The following AVEN variants were observed in gnomAD, a reference collection of about 807,000 sequenced individuals.
AVEN encodes apoptosis and caspase activation inhibitor.
In AVEN, 41 loss-of-function variants were observed where a neutral mutation model predicts 38.1. The observed-to-expected ratio is 1.08, with a 90% confidence interval of 0.84 to 1.40. The LOEUF (loss-of-function observed/expected upper bound fraction) is 1.40. Ranked by LOEUF, AVEN falls within the 40% of genes most tolerant of loss-of-function variation. The pLI is 0.00. For missense variants in AVEN, 605 were observed against 438.8 expected (o/e 1.38, Z -3.38); for synonymous variants, 206 against 171.8 (o/e 1.20, Z -1.56).
At chr15:34,027,316 A>G (rs1017794093) in intron 1 of AVEN, among the ~76,000 whole-genome samples, 1 of 152,144 alleles carries the variant, frequency 6.6e-6, no homozygotes, top group East Asian at 1.9e-4. Context: ...GGAGTTCAAA[A>G]CCAGCCTGGC....
chr15:33,907,079 A>G (rs1024506285), intron 2 of AVEN, among the ~76,000 whole-genome samples: 3 of 152,170 alleles, frequency 2.0e-5, no homozygotes, highest in Non-Finnish European at 2.9e-5. Flanking sequence ...ACCACGAATG[A>G]AAAGAAAAAT....
At chr15:33,860,304 A>C (rs1461701633) in intron 11 of AVEN, among the ~76,000 whole-genome samples, 6 of 152,152 alleles carry the variant, frequency 3.9e-5, no homozygotes, top group Admixed American at 6.5e-5. Context: ...CAGACTGAAC[A>C]CAAATAGCTA....
chr15:34,049,530 G>C (rs1479683020), intron 5 of AVEN, among the ~76,000 whole-genome samples: 1 of 152,092 alleles, frequency 6.6e-6, no homozygotes, highest in Non-Finnish European at 1.5e-5. Context: ...AGGATCATGG[G>C]ATTATGTAAA....
At chr15:33,863,486 G>A (rs185938991), downstream of AVEN, among the ~76,000 whole-genome samples, 2 of 152,214 alleles carry the variant, frequency 1.3e-5, no homozygotes, top group East Asian at 1.9e-4. Flanking sequence ...TTTTCCGGAA[G>A]GGCAAGAGCC....
chr15:33,958,980 C>T (rs1895069098), intron 2 of AVEN, among the ~76,000 whole-genome samples: 1 of 152,170 alleles, frequency 6.6e-6, no homozygotes, highest in South Asian at 2.1e-4. Context: ...TATCCAGTCT[C>T]CTCTCAAGCC....
At chr15:33,930,603 A>G (rs1372169459) in intron 2 of AVEN, among the ~76,000 whole-genome samples, 1 of 152,216 alleles carries the variant, frequency 6.6e-6, no homozygotes, top group Non-Finnish European at 1.5e-5. Context: ...AATAGTCTGT[A>G]TCCAAAATTA....
intron 1 of AVEN, among the ~76,000 whole-genome samples, chr15:34,038,417 C>T (rs539011010): frequency 6.6e-6 from 1 of 152,348 alleles, no homozygotes; most frequent in South Asian, 2.1e-4. Context: ...GCGCCTCCGT[C>T]CCATAGTGGT....
At chr15:33,955,563 A>G (rs996902503) in intron 2 of AVEN, among the ~76,000 whole-genome samples, 2 of 152,216 alleles carry the variant, frequency 1.3e-5, no homozygotes, top group Admixed American at 6.5e-5. Flanking sequence ...GAAAAATGAT[A>G]GTTTCATTTT....
intron 2 of AVEN, among the ~76,000 whole-genome samples, chr15:33,945,877 C>A (rs1259325677): frequency 6.6e-6 from 1 of 152,084 alleles, no homozygotes; most frequent in African/African-American, 2.4e-5. Flanking sequence ...GAGCCACCTC[C>A]CCTGGCCCGA....
chr15:33,943,747 C>T (rs1002172498), intron 2 of AVEN, among the ~76,000 whole-genome samples: 10 of 144,924 alleles, frequency 6.9e-5, no homozygotes, highest in Admixed American at 4.4e-4. Flanking sequence ...GTCACTTGAA[C>T]TCAGGAGGCA....
Position 34,050,023 on chromosome 15 carries a change from GACT to G in AVEN, n.1637+12896_1637+12898del, listed in dbSNP as rs1899876679. On this transcript the variant is annotated intron_variant and non_coding_transcript_variant, in intron 5 of 11. Coordinates refer to the AVEN transcript ENST00000675287. The stretch of plus-strand genomic sequence containing the variant: ...TCATCTCAGCCTCCCGAGTAGCTGG[GACT>G]ACAGGCACCTGCCACCATGCCTGGC... Among the ~76,000 whole-genome samples the G allele has an allele frequency of 2.6e-5, 4 of 152,060 alleles. No individual in the cohort carries two copies. In the South Asian group the frequency reaches 8.3e-4, roughly 32 times the overall value.
intron 1 of AVEN, among the ~76,000 whole-genome samples, chr15:34,037,804 T>C (rs986109008): frequency 6.6e-6 from 1 of 152,176 alleles, no homozygotes; most frequent in Non-Finnish European, 1.5e-5. Flanking sequence ...AACTACTCTC[T>C]TTAGGGATAT....
At chr15:33,865,367 CTATTT>C (rs1287386384), downstream of AVEN, 1 of 645,156 alleles carries the variant, frequency 1.6e-6, no homozygotes, top group Admixed American at 3.0e-5. Context: ...AAAATCTGTG[CTATTT>C]TGAAATTGAT....
chr15:34,058,110 G>A (rs913950619), intron 5 of AVEN, among the ~76,000 whole-genome samples: 5 of 151,978 alleles, frequency 3.3e-5, no homozygotes, highest in South Asian at 2.1e-4. Flanking sequence ...CTTTTCATTC[G>A]GCACCTCAGT....
At chr15:33,928,644 A>G (rs1461504330) in intron 2 of AVEN, among the ~76,000 whole-genome samples, 1 of 152,210 alleles carries the variant, frequency 6.6e-6, no homozygotes, top group East Asian at 1.9e-4. Flanking sequence ...GGATGTATGG[A>G]GTAAGCCATC....
chr15:34,065,360 A>G (rs765049979), intron 4 of AVEN: 5 of 152,214 alleles, frequency 3.3e-5, no homozygotes, highest in Non-Finnish European at 5.9e-5. Flanking sequence ...TTTCTTCCAG[A>G]GCCCTTTTGC....
chr15:33,857,243 GCTGGCAGCA>G (rs1397467824), downstream of AVEN, among the ~76,000 whole-genome samples: 6 of 4,826 alleles, frequency 1.2e-3, no homozygotes, highest in Non-Finnish European at 6.8e-3. Context: ...GTATCATGGT[GCTGGCAGCA>G]CCAGCACCTG....
intron 2 of AVEN, among the ~76,000 whole-genome samples, chr15:33,883,064 T>C (rs1249912386): frequency 1.3e-5 from 2 of 152,228 alleles, no homozygotes; most frequent in Non-Finnish European, 2.9e-5. Flanking sequence ...GGGTAGGGGC[T>C]GATAAGGAGA....
At position 34,008,778 on chromosome 15, in the gene AVEN, G is replaced by A. The variant is rs550268212; in HGVS notation, c.268-5569C>T. Among the ~76,000 whole-genome samples the A allele has an allele frequency of 9.9e-5, 15 of 152,110 alleles. No individual in the cohort carries two copies. The East Asian group carries it at 1.4e-3, about 14-fold the overall frequency. On this transcript the variant is annotated intron_variant, in intron 1 of 5. Coordinates refer to ENST00000306730, the MANE Select transcript of AVEN (RefSeq NM_020371.3). ...GATGGGATTACAGGCGTGAGCCACCGTGCCTAGCCGATGAAAAACCTTTAT... is the reference window on the plus strand; with the variant it reads ...GATGGGATTACAGGCGTGAGCCACCATGCCTAGCCGATGAAAAACCTTTAT...
Sources: gnomAD v4.1 joint callset for allele counts (sites outside exome capture counted in the v4.1 genomes callset) on GRCh38, gnomAD v4.1.1 for gene constraint, MANE v1.5 for transcripts, NCBI Gene and HGNC (gene_info 2026-07-23, HGNC 2026-07-21) for gene names.